The following SEMA3A variants were observed in gnomAD, a reference collection of about 807,000 sequenced individuals.
SEMA3A encodes the protein semaphorin 3A, also known as semaphorin-3A.
Under a neutral mutation model 97.9 loss-of-function variants are expected in SEMA3A, and 29 were observed. That is an observed-to-expected ratio of 0.30 (90% CI 0.22 to 0.40). The LOEUF is 0.40. Ranked by LOEUF, SEMA3A falls within the 10% of genes least tolerant of loss-of-function variation. SEMA3A has a pLI of 1.00. For synonymous variants in SEMA3A, 321 were observed against 323.7 expected (o/e 0.99, Z 0.09); for missense variants, 763 against 951.3 (o/e 0.80, Z 2.60).
chr7:84,214,336 G>A (rs897187966), intron 3 of SEMA3A, among the ~76,000 whole-genome samples: 2 of 152,084 alleles, frequency 1.3e-5, no homozygotes, highest in Non-Finnish European at 2.9e-5. Flanking sequence ...TGTATGTCTC[G>A]TTAGATAATA....
At chr7:84,202,105 T>C (rs932278125) in intron 3 of SEMA3A, among the ~76,000 whole-genome samples, 1 of 151,848 alleles carries the variant, frequency 6.6e-6, no homozygotes, top group African/African-American at 2.4e-5. Flanking sequence ...ATGAGTGTAG[T>C]TCTCATTGTG....
At chr7:84,289,036 T>A (rs1562887908) in intron 3 of SEMA3A, among the ~76,000 whole-genome samples, 2 of 151,398 alleles carry the variant, frequency 1.3e-5, no homozygotes, top group East Asian at 3.9e-4. Context: ...ATTCAGCTGT[T>A]AAAAAAAAAT....
intron 3 of SEMA3A, among the ~76,000 whole-genome samples, chr7:84,126,650 A>G (rs1795806839): frequency 6.6e-6 from 1 of 152,192 alleles, no homozygotes; most frequent in Admixed American, 6.5e-5. Context: ...TATCTCACTG[A>G]ATATTTTAAT....
At chr7:84,126,232 G>T (rs894948836) in intron 3 of SEMA3A, among the ~76,000 whole-genome samples, 2 of 152,112 alleles carry the variant, frequency 1.3e-5, no homozygotes, top group South Asian at 4.1e-4. Context: ...TTGAAACAGA[G>T]TCTCACTCTG....
At chr7:84,319,462 C>A (rs553318087) in intron 2 of SEMA3A, among the ~76,000 whole-genome samples, 2 of 152,010 alleles carry the variant, frequency 1.3e-5, no homozygotes, top group Admixed American at 6.6e-5. Flanking sequence ...ATAATAATTT[C>A]CTTAACTTCA....
intron 1 of SEMA3A, among the ~76,000 whole-genome samples, chr7:84,434,260 G>C (rs983531911): frequency 8.9e-5 from 13 of 145,962 alleles, no homozygotes; most frequent in African/African-American, 2.9e-4. Context: ...AGAAAATATA[G>C]AGGAAATGGC....
At chr7:84,356,142 T>A (rs968108013) in intron 2 of SEMA3A, among the ~76,000 whole-genome samples, 2 of 151,948 alleles carry the variant, frequency 1.3e-5, no homozygotes, top group Non-Finnish European at 2.9e-5. Flanking sequence ...GTTTTCCTTC[T>A]GAAAATTATT....
At chr7:84,488,189 C>T (rs1416606329) in intron 1 of SEMA3A, among the ~76,000 whole-genome samples, 2 of 151,988 alleles carry the variant, frequency 1.3e-5, no homozygotes, top group Non-Finnish European at 2.9e-5. Flanking sequence ...GAATCTCCAT[C>T]ATAGTGATGT....
intron 1 of SEMA3A, among the ~76,000 whole-genome samples, chr7:84,427,816 T>C (rs1205188531): frequency 6.6e-6 from 1 of 151,938 alleles, no homozygotes; most frequent in Non-Finnish European, 1.5e-5. Flanking sequence ...AAACCACAGA[T>C]AAACTATCTT....
At chr7:84,242,192 A>G (rs1218584311) in intron 3 of SEMA3A, among the ~76,000 whole-genome samples, 2 of 152,124 alleles carry the variant, frequency 1.3e-5, no homozygotes, top group African/African-American at 4.8e-5. Context: ...TGATGGGGAT[A>G]GTATTGAATC....
At chr7:84,219,282 T>C (rs1053146997) in intron 3 of SEMA3A, among the ~76,000 whole-genome samples, 2 of 152,212 alleles carry the variant, frequency 1.3e-5, no homozygotes, top group African/African-American at 2.4e-5. Flanking sequence ...GGAAGTCTTT[T>C]CAGATGTCTG....
intron 4 of SEMA3A, among the ~76,000 whole-genome samples, chr7:84,068,404 C>T (rs1281770279): frequency 6.9e-6 from 1 of 145,344 alleles, no homozygotes; most frequent in Non-Finnish European, 1.5e-5. Context: ...GCACATGTAC[C>T]CTAAAACTTA....
At chr7:84,259,021 A>G (rs1799782957) in intron 3 of SEMA3A, among the ~76,000 whole-genome samples, 1 of 152,076 alleles carries the variant, frequency 6.6e-6, no homozygotes, top group Non-Finnish European at 1.5e-5. Context: ...GAAATAGGAT[A>G]TCTTATGCTG....
At chr7:84,264,379 T>C (rs565672460) in intron 3 of SEMA3A, among the ~76,000 whole-genome samples, 1 of 152,314 alleles carries the variant, frequency 6.6e-6, no homozygotes, top group Non-Finnish European at 1.5e-5. Flanking sequence ...TTTTCCTGAA[T>C]ATTTATGCAT....
Position 83,957,689 on chromosome 7 carries a change from A to T in SEMA3A, c.*3682T>A, listed in dbSNP as rs1788323994. 1 of 152,112 alleles carries T rather than the reference A, an allele frequency of 6.6e-6. No homozygotes were observed. Among genetic ancestry groups the T allele is most frequent in the African/African-American group, 2.4e-5 (1 of 41,448 alleles). 9.4% of individuals were successfully genotyped at this position (152,112 alleles called of 1,614,324 possible). A position where few individuals can be genotyped will look rare whatever the true frequency, so the allele number is the denominator to read the frequency against. ...AACTAGTTTAAGAAAATTTTTAGAGATCAAACAAACTAATGAGATTTTACA... is the reference window on the plus strand; with the variant it reads ...AACTAGTTTAAGAAAATTTTTAGAGTTCAAACAAACTAATGAGATTTTACA... On this transcript the variant is annotated 3_prime_UTR_variant, in exon 17 of 17. Coordinates refer to ENST00000265362, the MANE Select transcript of SEMA3A (RefSeq NM_006080.3).
chr7:84,307,987 A>G (rs1025952618), intron 2 of SEMA3A, among the ~76,000 whole-genome samples: 1 of 152,120 alleles, frequency 6.6e-6, no homozygotes, highest in Non-Finnish European at 1.5e-5. Flanking sequence ...CCGAGGATTT[A>G]ATATATTTGA....
chr7:84,345,785 A>C (rs1189554878), intron 2 of SEMA3A, among the ~76,000 whole-genome samples: 4 of 152,152 alleles, frequency 2.6e-5, no homozygotes, highest in African/African-American at 9.7e-5. Context: ...AGTCTTCAAC[A>C]CTTCAAAGTG....
At chr7:84,385,561 ATCTT>A (rs1392332310) in intron 1 of SEMA3A, among the ~76,000 whole-genome samples, 1 of 152,050 alleles carries the variant, frequency 6.6e-6, no homozygotes, top group East Asian at 1.9e-4. Flanking sequence ...ACATACCCAG[ATCTT>A]TCTATCTTCT....
intron 6 of SEMA3A, among the ~76,000 whole-genome samples, chr7:84,017,367 T>G (rs1226932065): frequency 6.6e-6 from 1 of 152,218 alleles, no homozygotes; most frequent in Non-Finnish European, 1.5e-5. Flanking sequence ...ATATGATAAC[T>G]ACAGATGTGG....
Sources: gnomAD v4.1 joint callset for allele counts (sites outside exome capture counted in the v4.1 genomes callset) on GRCh38, gnomAD v4.1.1 for gene constraint, MANE v1.5 for transcripts, NCBI Gene and HGNC (gene_info 2026-07-23, HGNC 2026-07-21) for gene names.